The following MAP3K6 variants were observed in gnomAD, a reference collection of about 807,000 sequenced individuals.
MAP3K6 encodes apoptosis signal-regulating kinase 2.
MAP3K6 carries 105 observed loss-of-function variants against 147.1 expected under a neutral mutation model. The ratio of observed to expected loss-of-function variants is 0.71; its 90% confidence interval spans 0.61 to 0.84. The LOEUF is 0.84. Ranked by LOEUF, MAP3K6 falls within the 40% of genes least tolerant of loss-of-function variation. The probability of loss-of-function intolerance (pLI) is 0.00; values close to 1 mark genes in which losing one functional copy is unlikely to be tolerated. For missense variants in MAP3K6, 1,569 were observed against 1,715.0 expected (o/e 0.91, Z 1.50); for synonymous variants, 695 against 732.4 (o/e 0.95, Z 0.82).
chr1:27,355,521 A>G (rs755460439), intron 28 of MAP3K6, 52 bp from the exon 29 acceptor site: 5 of 1,593,448 alleles, frequency 3.1e-6, no homozygotes, highest in East Asian at 2.2e-5. Flanking sequence ...CCTGGACTCT[A>G]TCTTGCACAC....
intron 12 of MAP3K6, 24 bp from the exon 13 acceptor site, chr1:27,361,276 T>A (rs753196261): frequency 6.2e-7 from 1 of 1,613,074 alleles, no homozygotes; most frequent in Non-Finnish European, 8.5e-7. Context: ...AAGAACCCAG[T>A]AAGCGTCAGG....
chr1:27,360,661 C>G lies in MAP3K6; in HGVS notation c.2054+44G>C. The stretch of plus-strand genomic sequence containing the variant: ...TCCGCTCGTGGCCCGGCTCACTCGG[C>G]CCTCGCGAGCCCTCAGCCCCACCCG... On this transcript the variant is annotated intron_variant, in intron 15 of 28. Coordinates refer to ENST00000357582, the MANE Select transcript of MAP3K6 (RefSeq NM_004672.5). The surrounding 1 kb of genome is among the most constrained non-coding windows in gnomAD (Gnocchi z 4.5). 1 of 1,582,174 alleles carries G rather than the reference C, an allele frequency of 6.3e-7. No individual in the cohort carries two copies. The highest frequency in any genetic ancestry group is 8.6e-7 in the Non-Finnish European group (1 of 1,165,360).
chr1:27,365,691 C>G (rs984803669), intron 1 of MAP3K6, among the ~76,000 whole-genome samples: 9 of 144,564 alleles, frequency 6.2e-5, no homozygotes, highest in Non-Finnish European at 1.4e-4. Flanking sequence ...GGCCACTTAA[C>G]CTAAGCTCCC....
In MAP3K6 at chr1:27,363,938, C is replaced by T; in HGVS notation, c.843G>A (p.Leu281=). The T allele has an allele frequency of 1.2e-6, 2 of 1,602,046 alleles. No homozygotes were observed. Among genetic ancestry groups the T allele is most frequent in the Non-Finnish European group, 1.7e-6 (2 of 1,175,858 alleles). ...GCACCTGCACATCGCGGTAGGAGAG[C>T]AGCAAGTTCATGATGATGTCGGGGC... ...LLSPDIIMNL[L]LSYRDVQDYS... Residue 281 remains leucine (L), a synonymous_variant, in exon 5 of 29, where the codon CTG becomes CTA. Coordinates refer to ENST00000357582, the MANE Select transcript of MAP3K6 (RefSeq NM_004672.5).
rs1160957371 is a variant in MAP3K6 at position 27,360,175 on chromosome 1, C to T, written c.2182+66G>A. 31 of 1,600,632 alleles carry T rather than the reference C, an allele frequency of 1.9e-5. No individual in the cohort carries two copies. The highest frequency in any genetic ancestry group is 2.6e-5 in the Non-Finnish European group (30 of 1,171,884). On this transcript the variant is annotated intron_variant, in intron 16 of 28. Transcript: ENST00000357582. The surrounding 1 kb of genome is among the most constrained non-coding windows in gnomAD (Gnocchi z 4.5). ...GTGCATTTCCCCCTAGGGCTCTCTA[C>T]CCCTGCCTGCCTCGGTCCCATGCTT...
In MAP3K6 at chr1:27,364,062, C is replaced by G. The variant is rs752879787; in HGVS notation, c.719G>C (p.Arg240Pro). Residue 240 changes from arginine (R) to proline (P), a missense_variant, in exon 5 of 29, where the codon CGG becomes CCG. By Grantham distance (103) the Arg-to-Pro change is moderately radical. Transcript: ENST00000357582. The surrounding 1 kb of genome is among the most constrained non-coding windows in gnomAD (Gnocchi z 4.4). ...CTCCCGCGCCTGCCGGATGTCCCGC[C>G]GAATGGTCTCCCGGAAATAGCCACT... ...DSCGYFRETI[R>P]RDIRQARERF... is the part of the protein sequence containing the mutation. The G allele has an allele frequency of 1.2e-6, 2 of 1,612,840 alleles. No homozygotes were observed. Among genetic ancestry groups the G allele is most frequent in the South Asian group, 1.1e-5 (1 of 91,010 alleles).
In MAP3K6 at chr1:27,362,270, G is replaced by A; in HGVS notation, c.1256-20C>T. ...TCATGCCTGGGGGAGAGAGGCATGG[G>A]CTCCAGTGAGTGTGGGTGCAGGGGT... On this transcript the variant is annotated intron_variant, in intron 8 of 28. Transcript: ENST00000357582. 10 of 1,600,996 alleles carry A rather than the reference G, an allele frequency of 6.2e-6. No individual in the cohort carries two copies. The highest frequency in any genetic ancestry group is 8.5e-6 in the Non-Finnish European group (10 of 1,172,632).
intron 23 of MAP3K6, 31 bp from the exon 24 acceptor site, chr1:27,357,145 G>A: frequency 6.3e-7 from 1 of 1,584,758 alleles, no homozygotes; most frequent in Non-Finnish European, 8.7e-7. Context: ...CGCTGAGACA[G>A]CTGAGCCTCA....
Position 27,362,951 on chromosome 1 carries a change from C to T in MAP3K6, c.1042G>A (p.Val348Met). 4 of 1,614,118 alleles carry T rather than the reference C, an allele frequency of 2.5e-6. No homozygotes were observed. The highest frequency in any genetic ancestry group is 3.4e-6 in the Non-Finnish European group (4 of 1,180,014). ...LLPLVQLEGSVAPDLYCMCGR... is the reference protein window; with the variant it reads ...LLPLVQLEGSMAPDLYCMCGR... Reference sequence around the variant, plus strand: ...CACATGCAGTACAGATCGGGCGCCACAGAGCCCTCAAGCTGTACCAGCGGC... The same window carrying T: ...CACATGCAGTACAGATCGGGCGCCATAGAGCCCTCAAGCTGTACCAGCGGC... The change falls in exon 7 of 29, where the codon GTG (valine) becomes ATG (methionine). Residue 348 changes from valine to methionine, a missense_variant. Coordinates refer to ENST00000357582, the MANE Select transcript of MAP3K6 (RefSeq NM_004672.5).
chr1:27,355,864 G>T, intron 27 of MAP3K6, 119 bp from the exon 28 acceptor site: 1 of 1,158,352 alleles, frequency 8.6e-7, no homozygotes, highest in Non-Finnish European at 1.3e-6. Context: ...ACACCCTTCT[G>T]GGCCTCAGTT....
chr1:27,366,197 T>A lies in MAP3K6; in HGVS notation c.340+61A>T. On this transcript the variant is annotated intron_variant, in intron 1 of 28. Coordinates refer to ENST00000357582, the MANE Select transcript of MAP3K6 (RefSeq NM_004672.5). This position sits in a 1 kb window ranked among gnomAD's most constrained non-coding sequence, Gnocchi z 5.5. ...CCTCCCTTGAGCCTTCGAGCCCGGC[T>A]TGGTCCCCTCCCAGGACCCTGAGTC... 1 of 1,259,022 alleles carries A rather than the reference T, an allele frequency of 7.9e-7. No homozygotes were observed. Among genetic ancestry groups the A allele is most frequent in the Middle Eastern group, 3.1e-4 (1 of 3,234 alleles). The allele number at this position is 1,259,022 out of a possible 1,614,324, so 78.0% of individuals were successfully genotyped here.
rs375856011 is a variant in MAP3K6 at position 27,362,640 on chromosome 1, C to T, written c.1255+1G>A. ...AGACAAGAGCCAGGATCTGTGCTCA[C>T]CTATTAGCCGGAGCTCTTTGGAATC... On this transcript the variant is annotated splice_donor_variant, in intron 8 of 28. Coordinates refer to ENST00000357582, the MANE Select transcript of MAP3K6 (RefSeq NM_004672.5). LOFTEE classifies it high-confidence loss of function. The T allele has an allele frequency of 4.4e-6, 7 of 1,576,104 alleles. No homozygotes were observed. The highest frequency in any genetic ancestry group is 6.0e-6 in the Non-Finnish European group (7 of 1,158,906).
chr1:27,362,774 A>G, intron 7 of MAP3K6, 21 bp from the exon 8 acceptor site: 2 of 1,610,874 alleles, frequency 1.2e-6, no homozygotes, highest in Middle Eastern at 1.7e-4. Context: ...GGTAGGGGGC[A>G]CAGGGCTGGA....
In MAP3K6 at chr1:27,358,616, G is replaced by T. The variant is rs760038554; in HGVS notation, c.2584-5C>A. ...ATGGACCTTGTACATACCCACCTGT[G>T]GGGGGAGGGTGAACAAGGGTGACAT... On this transcript the variant is annotated splice_polypyrimidine_tract_variant and splice_region_variant and intron_variant, in intron 19 of 28. Coordinates refer to ENST00000357582, the MANE Select transcript of MAP3K6 (RefSeq NM_004672.5). This position sits in a 1 kb window ranked among gnomAD's most constrained non-coding sequence, Gnocchi z 6.2. 26 of 1,613,264 alleles carry T rather than the reference G, an allele frequency of 1.6e-5. 1 individual carries two copies. In the African/African-American group the frequency reaches 1.9e-4, roughly 12 times the overall value.
At position 27,356,019 on chromosome 1, in the gene MAP3K6, G is replaced by T. The variant is rs375091053; in HGVS notation, c.3711+7C>A. 2.5e-6 allele frequency: 4 copies of T among 1,613,754 alleles called. No individual in the cohort carries two copies. Among genetic ancestry groups the T allele is most frequent in the Non-Finnish European group, 2.5e-6 (3 of 1,179,700 alleles). The stretch of plus-strand genomic sequence containing the variant: ...GGTCAGGGATAGCCAAGCACTCCCC[G>T]ACTCACCATTTGGATGGTGCCTGAA... On this transcript the variant is annotated splice_region_variant and intron_variant, in intron 27 of 28. Transcript: ENST00000357582.
At chr1:27,361,958 G>A in intron 9 of MAP3K6, 91 bp from the exon 10 acceptor site, 2 of 1,501,478 alleles carry the variant, frequency 1.3e-6, no homozygotes, top group South Asian at 1.3e-5. Flanking sequence ...TAGAACGTTG[G>A]CATGGGGTGC....
chr1:27,366,483 A>G lies in MAP3K6; in HGVS notation c.115T>C (p.Cys39Arg). The G allele has an allele frequency of 9.0e-7, 1 of 1,108,508 alleles. No homozygotes were observed. 68.7% of individuals were successfully genotyped at this position (1,108,508 alleles called of 1,614,324 possible). ...RQLAAPPGRG[C>R]ARSRPLSVVY... ...ACGCTGAGCGGCCGGCTCCGCGCGC[A>G]GCCCCGGCCCGGGGGCGCCGCGAGC... is the stretch of plus-strand genomic sequence containing the variant. The change falls in exon 1 of 29, where the codon TGC (cysteine) becomes CGC (arginine). Residue 39 changes from cysteine (C) to arginine (R), a missense_variant. Physicochemically the swap from Cys to Arg is radical, Grantham distance 180. Coordinates refer to ENST00000357582, the MANE Select transcript of MAP3K6 (RefSeq NM_004672.5). This position sits in a 1 kb window ranked among gnomAD's most constrained non-coding sequence, Gnocchi z 5.5.
At chr1:27,362,572 C>T in intron 8 of MAP3K6, 69 bp downstream of exon 8, 2 of 1,237,844 alleles carry the variant, frequency 1.6e-6, no homozygotes, top group East Asian at 2.6e-5. Flanking sequence ...TGTGCTCTCT[C>T]CCTGCCCTCT....
Position 27,364,537 on chromosome 1 carries a change from CAG to C in MAP3K6, c.504+122_504+123del, listed in dbSNP as rs1272511435. ...CGTCATGAGAGGAGGCAACAGGAAA[CAG>C]AGGAATACTTGGGATGTCAGTGGGG... On this transcript the variant is annotated intron_variant, in intron 3 of 28. Coordinates refer to ENST00000357582, the MANE Select transcript of MAP3K6 (RefSeq NM_004672.5). The surrounding 1 kb of genome is among the most constrained non-coding windows in gnomAD (Gnocchi z 4.4). The C allele has an allele frequency of 4.5e-6, 7 of 1,551,630 alleles. No homozygotes were observed. The highest frequency in any genetic ancestry group is 4.5e-5 in the South Asian group (4 of 89,564).
Sources: gnomAD v4.1 joint callset for allele counts (sites outside exome capture counted in the v4.1 genomes callset) on GRCh38, gnomAD v4.1.1 for gene constraint, Gnocchi (gnomAD v3.1) non-coding constraint, MANE v1.5 for transcripts, NCBI Gene and HGNC (gene_info 2026-07-23, HGNC 2026-07-21) for gene names.